CNTNAP2: variants seen among roughly 807,000 people sequenced by gnomAD.
The protein encoded by CNTNAP2 is contactin associated protein 2, also known as contactin-associated protein-like 2.
In CNTNAP2, 98 loss-of-function variants were observed where a neutral mutation model predicts 155.2. That is an observed-to-expected ratio of 0.63 (90% confidence interval 0.54 to 0.75). The LOEUF (loss-of-function observed/expected upper bound fraction) is 0.75, where lower values mean the gene tolerates loss of function less well. Among genes scored for constraint, CNTNAP2 ranks in the 30% least tolerant of loss-of-function variants. The pLI is 0.00. For missense variants in CNTNAP2, 1,727 were observed against 1,688.1 expected (o/e 1.02, Z -0.40); for synonymous variants, 651 against 631.2 (o/e 1.03, Z -0.47).
chr7:147,638,841 CTT>C (rs71874555), intron 12 of CNTNAP2: 364 of 506,264 alleles, frequency 7.2e-4, no homozygotes, highest in East Asian at 1.8e-3. Flanking sequence ...GATACAAAAG[CTT>C]TTTTTTTTTT....
intron 13 of CNTNAP2, among the ~76,000 whole-genome samples, chr7:147,701,860 G>T (rs796971259): frequency 6.6e-5 from 10 of 152,202 alleles, no homozygotes; most frequent in African/African-American, 2.2e-4. Flanking sequence ...GAGACTACCA[G>T]CTATGCTATG....
chr7:147,856,093 C>T (rs1799032969), intron 13 of CNTNAP2, among the ~76,000 whole-genome samples: 1 of 152,146 alleles, frequency 6.6e-6, no homozygotes, highest in Non-Finnish European at 1.5e-5. Flanking sequence ...AAGATAAATG[C>T]TTTTTCTTGC....
intron 13 of CNTNAP2, among the ~76,000 whole-genome samples, chr7:147,749,152 C>A (rs1797094750): frequency 6.6e-6 from 1 of 152,146 alleles, no homozygotes; most frequent in Non-Finnish European, 1.5e-5. Context: ...AATCTAACCA[C>A]CATAAATGTG....
chr7:146,815,508 A>G (rs1294599823), intron 2 of CNTNAP2, among the ~76,000 whole-genome samples: 2 of 152,146 alleles, frequency 1.3e-5, no homozygotes, highest in East Asian at 1.9e-4. Flanking sequence ...GTCTATATAT[A>G]TACATGAATA....
chr7:146,285,303 A>G (rs1298553637), intron 1 of CNTNAP2, among the ~76,000 whole-genome samples: 1 of 152,124 alleles, frequency 6.6e-6, no homozygotes, highest in East Asian at 1.9e-4. Flanking sequence ...TAACTAATTA[A>G]CCTTGACTAT....
At chr7:146,971,787 C>T (rs1797804598) in intron 3 of CNTNAP2, among the ~76,000 whole-genome samples, 1 of 152,034 alleles carries the variant, frequency 6.6e-6, no homozygotes, top group Non-Finnish European at 1.5e-5. Context: ...CCCATAAGAC[C>T]CCACCTGCTA....
intron 12 of CNTNAP2, among the ~76,000 whole-genome samples, chr7:147,610,148 A>G (rs1011992977): frequency 6.6e-6 from 1 of 152,236 alleles, no homozygotes; most frequent in African/African-American, 2.4e-5. Flanking sequence ...TTGTAATATA[A>G]ACACGGATTT....
At chr7:147,950,442 C>T (rs1159974017) in intron 14 of CNTNAP2, among the ~76,000 whole-genome samples, 1 of 141,308 alleles carries the variant, frequency 7.1e-6, no homozygotes, top group Non-Finnish European at 1.5e-5. Flanking sequence ...TGGAAACTCA[C>T]ATTTTCATTG....
chr7:146,611,030 T>A (rs1799127876), intron 1 of CNTNAP2, among the ~76,000 whole-genome samples: 1 of 152,202 alleles, frequency 6.6e-6, no homozygotes, highest in African/African-American at 2.4e-5. Context: ...CCAATAACAT[T>A]TATGATTTAA....
intron 3 of CNTNAP2, among the ~76,000 whole-genome samples, chr7:146,855,201 C>A (rs1293349430): frequency 6.6e-6 from 1 of 152,098 alleles, no homozygotes; most frequent in Non-Finnish European, 1.5e-5. Context: ...TGGGAAGAAT[C>A]TGGGGAAACA....
chr7:147,272,647 G>A (rs986558037), intron 8 of CNTNAP2, among the ~76,000 whole-genome samples: 16 of 148,626 alleles, frequency 1.1e-4, no homozygotes, highest in Non-Finnish European at 2.1e-4. Context: ...TACAGGCGCC[G>A]CCACCACGCC....
At chr7:148,136,017 A>AAGGGAGGGAGGGAGGGAGGG (rs1226671182) in intron 16 of CNTNAP2, among the ~76,000 whole-genome samples, 1 of 25,826 alleles carries the variant, frequency 3.9e-5, no homozygotes, top group Admixed American at 6.2e-4. Context: ...GGAAGGAAGG[A>AAGGGAGGGAGGGAGGGAGGG]AGGGAGGGAG....
At chr7:146,968,420 G>T (rs1797706637) in intron 3 of CNTNAP2, among the ~76,000 whole-genome samples, 1 of 151,056 alleles carries the variant, frequency 6.6e-6, no homozygotes, top group Non-Finnish European at 1.5e-5. Flanking sequence ...GTAGAATTCG[G>T]CTGTGAATCC....
intron 3 of CNTNAP2, among the ~76,000 whole-genome samples, chr7:146,962,040 C>A (rs764987231): frequency 1.3e-5 from 2 of 152,086 alleles, no homozygotes; most frequent in African/African-American, 4.8e-5. Flanking sequence ...ACTTTTGTGA[C>A]CTGTTTAGAT....
At chr7:148,289,831 G>A (rs909584464) in intron 21 of CNTNAP2, among the ~76,000 whole-genome samples, 1 of 152,152 alleles carries the variant, frequency 6.6e-6, no homozygotes, top group South Asian at 2.1e-4. Context: ...GAGACCAGAC[G>A]TTCCCTCTGC....
At chr7:147,581,771 A>G (rs1800505180) in intron 12 of CNTNAP2, among the ~76,000 whole-genome samples, 1 of 152,200 alleles carries the variant, frequency 6.6e-6, no homozygotes, top group Admixed American at 6.5e-5. Flanking sequence ...CAACAACAAA[A>G]TGTTTCTAGT....
At chr7:147,693,286 T>C (rs1796116341) in intron 13 of CNTNAP2, among the ~76,000 whole-genome samples, 3 of 152,090 alleles carry the variant, frequency 2.0e-5, no homozygotes, top group African/African-American at 4.8e-5. Context: ...GTGTCAGTCC[T>C]CCAACTTTAG....
At chr7:146,673,204 T>G (rs1800339356) in intron 1 of CNTNAP2, among the ~76,000 whole-genome samples, 1 of 152,198 alleles carries the variant, frequency 6.6e-6, no homozygotes, top group African/African-American at 2.4e-5. Context: ...TGCCTTCCAT[T>G]GAATTCTTCT....
chr7:147,654,581 G>A (rs1335102625), intron 13 of CNTNAP2, among the ~76,000 whole-genome samples: 2 of 151,946 alleles, frequency 1.3e-5, no homozygotes, highest in South Asian at 2.1e-4. Context: ...TATTACATTC[G>A]CAGTGACTTG....
Sources: gnomAD v4.1 joint callset for allele counts (sites outside exome capture counted in the v4.1 genomes callset) on GRCh38, gnomAD v4.1.1 for gene constraint, MANE v1.5 for transcripts, NCBI Gene and HGNC (gene_info 2026-07-23, HGNC 2026-07-21) for gene names.